RBFOX1: variants seen among roughly 807,000 people sequenced by gnomAD.
RBFOX1 encodes the protein RNA binding fox-1 homolog 1.
Under a neutral mutation model 57.7 loss-of-function variants are expected in RBFOX1, and 8 were observed. That is an observed-to-expected ratio of 0.14 (90% CI 0.08 to 0.25). The LOEUF (loss-of-function observed/expected upper bound fraction) is 0.25, where lower values mean the gene tolerates loss of function less well. RBFOX1 is among the 10% of genes least tolerant of loss of function. The pLI is 1.00. For missense variants in RBFOX1, 611 were observed against 548.5 expected (o/e 1.11, Z -1.14); for synonymous variants, 326 against 222.4 (o/e 1.47, Z -4.15).
chr16:7,504,744 TA>T lies in RBFOX1; in HGVS notation c.28-13402del, dbSNP rs2072411964. ...ATATATATATATATATATATATATA[TA>T]TATATATATTTATATATATATATAT... On this transcript the variant is annotated intron_variant, in intron 4 of 15. Transcript: ENST00000550418. Among the ~76,000 whole-genome samples the T allele has an allele frequency of 8.6e-4, 13 of 15,118 alleles. 1 individual carries two copies. The highest frequency in any genetic ancestry group is 2.1e-3 in the African/African-American group (11 of 5,358). The allele number at this position is 15,118 out of a possible 152,430, so 9.9% of individuals were successfully genotyped here. A position where few individuals can be genotyped will look rare whatever the true frequency, so the allele number is the denominator to read the frequency against.
At chr16:5,392,920 A>G (rs977221033) in intron 1 of RBFOX1, among the ~76,000 whole-genome samples, 1 of 152,114 alleles carries the variant, frequency 6.6e-6, no homozygotes, top group Non-Finnish European at 1.5e-5. Flanking sequence ...TTTGCAACAC[A>G]TGGGTCAGAT....
At chr16:5,929,499 C>T (rs536820019) in intron 4 of RBFOX1, among the ~76,000 whole-genome samples, 1 of 152,136 alleles carries the variant, frequency 6.6e-6, no homozygotes, top group Non-Finnish European at 1.5e-5. Flanking sequence ...ATTAGAGTGT[C>T]TTTGAAGATT....
At chr16:6,806,700 T>C (rs889814819) in intron 3 of RBFOX1, among the ~76,000 whole-genome samples, 68 of 150,734 alleles carry the variant, frequency 4.5e-4, no homozygotes, top group African/African-American at 1.4e-3. Flanking sequence ...TGAGGTGATA[T>C]TGTCTTACAT....
At chr16:7,308,657 A>G (rs932124642) in intron 4 of RBFOX1, among the ~76,000 whole-genome samples, 18 of 152,348 alleles carry the variant, frequency 1.2e-4, no homozygotes, top group African/African-American at 3.8e-4. Context: ...CACTGTGGAC[A>G]TCTTCAGATC....
At chr16:6,611,825 C>T (rs560608035) in intron 2 of RBFOX1, among the ~76,000 whole-genome samples, 2 of 152,226 alleles carry the variant, frequency 1.3e-5, no homozygotes, top group East Asian at 3.9e-4. Context: ...CAGGGCCCTC[C>T]TCCAAGGCCC....
At chr16:7,478,992 C>G (rs1264764223) in intron 4 of RBFOX1, among the ~76,000 whole-genome samples, 1 of 152,128 alleles carries the variant, frequency 6.6e-6, no homozygotes, top group East Asian at 1.9e-4. Context: ...TACAATCTCA[C>G]TTAGACGTAC....
intron 14 of RBFOX1, among the ~76,000 whole-genome samples, chr16:7,680,369 C>G (rs2074418453): frequency 6.6e-6 from 1 of 152,098 alleles, no homozygotes; most frequent in African/African-American, 2.4e-5. Context: ...GTGTTATCTC[C>G]CCAGACAGAC....
At chr16:5,331,963 A>G (rs544312310) in intron 1 of RBFOX1, among the ~76,000 whole-genome samples, 16 of 152,316 alleles carry the variant, frequency 1.1e-4, no homozygotes, top group Non-Finnish European at 2.1e-4. Context: ...AAGTCCTAAG[A>G]CAGAAGGGGT....
At chr16:7,534,294 T>C (rs1018117609) in intron 5 of RBFOX1, among the ~76,000 whole-genome samples, 3 of 151,886 alleles carry the variant, frequency 2.0e-5, no homozygotes, top group East Asian at 3.9e-4. Flanking sequence ...GGTTTCACCA[T>C]GTTAGCCAGG....
intron 4 of RBFOX1, among the ~76,000 whole-genome samples, chr16:7,256,001 T>C (rs979132377): frequency 1.2e-4 from 18 of 152,204 alleles, no homozygotes; most frequent in African/African-American, 4.1e-4. Flanking sequence ...ATTGTCTCCT[T>C]TTGTCTTATT....
At chr16:7,021,219 G>A (rs2038945021) in intron 3 of RBFOX1, among the ~76,000 whole-genome samples, 1 of 151,860 alleles carries the variant, frequency 6.6e-6, no homozygotes, top group Non-Finnish European at 1.5e-5. Flanking sequence ...TGAGTAAATT[G>A]TTGTTTCTTA....
intron 3 of RBFOX1, among the ~76,000 whole-genome samples, chr16:6,850,405 C>T (rs1010286877): frequency 4.6e-5 from 7 of 152,064 alleles, no homozygotes; most frequent in Admixed American, 4.6e-4. Flanking sequence ...GAGGGCTTCT[C>T]TGAGGAGGTG....
intron 4 of RBFOX1, among the ~76,000 whole-genome samples, chr16:5,886,288 T>C (rs991023153): frequency 6.6e-6 from 1 of 152,226 alleles, no homozygotes; most frequent in African/African-American, 2.4e-5. Flanking sequence ...TGTCCTTATC[T>C]GTAAAACAGA....
At chr16:7,454,598 C>G (rs1381741452) in intron 4 of RBFOX1, among the ~76,000 whole-genome samples, 1 of 152,178 alleles carries the variant, frequency 6.6e-6, no homozygotes, top group Non-Finnish European at 1.5e-5. Context: ...TGAAGGAAAA[C>G]TACACAAAGA....
At chr16:5,732,422 T>G (rs2151565296) in intron 3 of RBFOX1, among the ~76,000 whole-genome samples, 1 of 152,300 alleles carries the variant, frequency 6.6e-6, no homozygotes, top group African/African-American at 2.4e-5. Context: ...TTAGTGGCAG[T>G]ATGATTGTCT....
intron 3 of RBFOX1, among the ~76,000 whole-genome samples, chr16:5,795,893 T>C (rs144633048): frequency 2.6e-5 from 4 of 152,336 alleles, no homozygotes; most frequent in African/African-American, 9.6e-5. Flanking sequence ...TCTAATGACT[T>C]AGTTCTTTTG....
At chr16:6,573,772 A>T (rs974962704) in intron 2 of RBFOX1, 1 of 152,292 alleles carries the variant, frequency 6.6e-6, no homozygotes, top group Admixed American at 6.5e-5. Context: ...GGGAGCCTGA[A>T]TGTCGCTGGC....
At chr16:5,470,883 C>G (rs925002796) in intron 2 of RBFOX1, among the ~76,000 whole-genome samples, 3 of 151,998 alleles carry the variant, frequency 2.0e-5, no homozygotes, top group African/African-American at 7.3e-5. Context: ...CGGAGTTTCG[C>G]TCTCGTCACC....
At chr16:7,282,016 C>A (rs565964490) in intron 4 of RBFOX1, among the ~76,000 whole-genome samples, 3 of 151,142 alleles carry the variant, frequency 2.0e-5, no homozygotes, top group Admixed American at 2.0e-4. Context: ...CAGGCGCGTG[C>A]CATCACGCCT....
Sources: gnomAD v4.1 joint callset for allele counts (sites outside exome capture counted in the v4.1 genomes callset) on GRCh38, gnomAD v4.1.1 for gene constraint, MANE v1.5 for transcripts, NCBI Gene and HGNC (gene_info 2026-07-23, HGNC 2026-07-21) for gene names.